Variants in LRCH1 observed in about 807,000 individuals in gnomAD.
LRCH1 encodes leucine-rich repeat and calponin homology domain-containing protein 1.
In LRCH1, 23 loss-of-function variants were observed where a neutral mutation model predicts 94.9. That is an observed-to-expected ratio of 0.24 (90% confidence interval 0.17 to 0.34). The LOEUF (loss-of-function observed/expected upper bound fraction) is 0.34, where lower values mean the gene tolerates loss of function less well. Ranked by LOEUF, LRCH1 falls within the 10% of genes least tolerant of loss-of-function variation. The pLI, the probability that LRCH1 is intolerant of heterozygous loss-of-function variation, is 1.00. For missense variants in LRCH1, 790 were observed against 945.9 expected (o/e 0.84, Z 2.16); for synonymous variants, 364 against 354.9 (o/e 1.03, Z -0.29).
chr13:46,626,638 A>C (rs903948589), intron 1 of LRCH1, among the ~76,000 whole-genome samples: 6 of 152,208 alleles, frequency 3.9e-5, no homozygotes, highest in Non-Finnish European at 7.3e-5. Flanking sequence ...ACCTGCACCC[A>C]GGTGAAATAA....
At chr13:46,739,285 G>A (rs1167946483) in intron 19 of LRCH1, among the ~76,000 whole-genome samples, 3 of 152,110 alleles carry the variant, frequency 2.0e-5, no homozygotes, top group African/African-American at 4.8e-5. Context: ...AACCTCTGGC[G>A]ATTGTGATTT....
At chr13:46,553,747 G>C in intron 1 of LRCH1, 44 bp downstream of exon 1, 1 of 1,594,184 alleles carries the variant, frequency 6.3e-7, no homozygotes, top group Non-Finnish European at 8.5e-7. Flanking sequence ...GGTGCTGTCT[G>C]GGTGTCTGTC....
intron 1 of LRCH1, among the ~76,000 whole-genome samples, chr13:46,589,042 C>A (rs114243586): frequency 0.01 from 1,522 of 151,574 alleles, 11 homozygotes; most frequent in African/African-American, 0.023. Flanking sequence ...CCCTCTCTCT[C>A]TATATATTTT....
chr13:46,599,790 G>A (rs906571820), intron 1 of LRCH1, among the ~76,000 whole-genome samples: 2 of 152,124 alleles, frequency 1.3e-5, no homozygotes, highest in Non-Finnish European at 2.9e-5. Context: ...CAGCCTAGTA[G>A]GTGCTCAGTT....
chr13:46,673,984 G>A (rs977966118), intron 3 of LRCH1, among the ~76,000 whole-genome samples: 1 of 152,122 alleles, frequency 6.6e-6, no homozygotes, highest in Non-Finnish European at 1.5e-5. Context: ...GTTTCACTGT[G>A]TTGGCCAGGC....
At chr13:46,695,702 C>T (rs1352060514) in intron 9 of LRCH1, among the ~76,000 whole-genome samples, 1 of 152,180 alleles carries the variant, frequency 6.6e-6, no homozygotes. Context: ...AATTCAGATT[C>T]ACTGTGGCTT....
At position 46,597,132 on chromosome 13, in the gene LRCH1, G is replaced by A. The variant is rs957693053; in HGVS notation, c.307+43429G>A. 7.9e-5 allele frequency among the ~76,000 whole-genome samples: 12 copies of A among 152,124 alleles called. No individual in the cohort carries two copies. The South Asian group carries it at 8.3e-4, about 10-fold the overall frequency. Reference sequence around the variant, plus strand: ...GTGAGGACTCTTTGTGGTCATTGGTGGATATGTACAGAGCAGCAAAAAAAT... The same window carrying A: ...GTGAGGACTCTTTGTGGTCATTGGTAGATATGTACAGAGCAGCAAAAAAAT... On this transcript the variant is annotated intron_variant, in intron 1 of 19. Coordinates refer to ENST00000389797, the MANE Select transcript of LRCH1 (RefSeq NM_001164211.2).
At chr13:46,682,497 A>C (rs1220467176) in intron 4 of LRCH1, among the ~76,000 whole-genome samples, 1 of 152,206 alleles carries the variant, frequency 6.6e-6, no homozygotes, top group Non-Finnish European at 1.5e-5. Flanking sequence ...ACAAGGGGTG[A>C]CATGAATTGT....
chr13:46,689,962 A>G (rs1007379950), intron 7 of LRCH1, among the ~76,000 whole-genome samples: 1 of 152,084 alleles, frequency 6.6e-6, no homozygotes, highest in Non-Finnish European at 1.5e-5. Context: ...TTTTGAGGGA[A>G]GTTACTTTCT....
intron 13 of LRCH1, among the ~76,000 whole-genome samples, chr13:46,710,808 A>G (rs1185062924): frequency 3.9e-5 from 6 of 152,106 alleles, no homozygotes; most frequent in African/African-American, 1.4e-4. Flanking sequence ...CTAACGCCCA[A>G]TTTTTTATTA....
chr13:46,707,050 T>C (rs1354607879), intron 13 of LRCH1, among the ~76,000 whole-genome samples: 1 of 152,202 alleles, frequency 6.6e-6, no homozygotes, highest in East Asian at 1.9e-4. Context: ...GATAACATAT[T>C]TTCATCTAAT....
rs1594238334 is a variant in LRCH1, at chr13:46,553,525, C to T, written c.129C>T (p.Gly43=). 1 of 1,545,946 alleles carries T rather than the reference C, an allele frequency of 6.5e-7. No individual in the cohort carries two copies. Among genetic ancestry groups the T allele is most frequent in the South Asian group, 1.2e-5 (1 of 83,788 alleles). Residue 43 remains glycine (G), a synonymous_variant, in exon 1 of 20, where the codon GGC becomes GGT. Coordinates refer to ENST00000389797, the MANE Select transcript of LRCH1 (RefSeq NM_001164211.2). ...HQHHGGTGAP[G]GAGGGGGGSG... is the part of the protein sequence containing the mutation. ...ACCACGGAGGAACCGGCGCCCCCGGCGGGGCGGGTGGTGGCGGCGGTGGCA... is the reference window on the plus strand; with the variant it reads ...ACCACGGAGGAACCGGCGCCCCCGGTGGGGCGGGTGGTGGCGGCGGTGGCA...
chr13:46,664,038 AT>A (rs1244958329), intron 2 of LRCH1, among the ~76,000 whole-genome samples: 1 of 152,188 alleles, frequency 6.6e-6, no homozygotes, highest in Non-Finnish European at 1.5e-5. Flanking sequence ...ATAGGATTAT[AT>A]GTTGTAGTCT....
At chr13:46,638,643 T>C (rs763061306) in intron 1 of LRCH1, among the ~76,000 whole-genome samples, 3 of 152,208 alleles carry the variant, frequency 2.0e-5, no homozygotes, top group Non-Finnish European at 4.4e-5. Context: ...AATATACTGA[T>C]ACATTTCCAT....
intron 9 of LRCH1, 32 bp downstream of exon 9, chr13:46,695,049 A>C: frequency 6.2e-7 from 1 of 1,610,352 alleles, no homozygotes; most frequent in Non-Finnish European, 8.5e-7. Flanking sequence ...ACGTTTTTTT[A>C]CTTATTTCCT....
In LRCH1 at chr13:46,553,242, C is replaced by CCATGGA; in HGVS notation, c.-155_-154insCATGGA. The CCATGGA allele has an allele frequency of 1.8e-6, 1 of 568,658 alleles. No homozygotes were observed. Among genetic ancestry groups the CCATGGA allele is most frequent in the Non-Finnish European group, 3.1e-6 (1 of 324,450 alleles). The allele number at this position is 568,658 out of a possible 1,614,324, so 35.2% of individuals were successfully genotyped here. A position where few individuals can be genotyped will look rare whatever the true frequency, so the allele number is the denominator to read the frequency against. ...CACGGCCGCCTCCCCGCCCGCCCCC[C>CCATGGA]ATTCTACGCGCCTGCCCACACCCTC... On this transcript the variant is annotated 5_prime_UTR_variant, in exon 1 of 20. The change creates a new upstream start codon in the 5' untranslated region. Coordinates refer to ENST00000389797, the MANE Select transcript of LRCH1 (RefSeq NM_001164211.2).
chr13:46,602,614 T>C (rs1362044568), intron 1 of LRCH1, among the ~76,000 whole-genome samples: 2 of 152,172 alleles, frequency 1.3e-5, no homozygotes, highest in Non-Finnish European at 2.9e-5. Flanking sequence ...ACCCAGAAAG[T>C]GCTCAACATT....
intron 16 of LRCH1, among the ~76,000 whole-genome samples, chr13:46,720,718 A>G (rs1872554591): frequency 6.6e-6 from 1 of 152,238 alleles, no homozygotes; most frequent in Admixed American, 6.5e-5. Flanking sequence ...TAGGAATTAA[A>G]AGAAAAGAAA....
chr13:46,642,603 G>A (rs957129047), intron 1 of LRCH1, among the ~76,000 whole-genome samples: 2 of 152,202 alleles, frequency 1.3e-5, no homozygotes, highest in Non-Finnish European at 2.9e-5. Flanking sequence ...GAAACTAGCT[G>A]AGGAGTTCAG....
Sources: gnomAD v4.1 joint callset for allele counts (sites outside exome capture counted in the v4.1 genomes callset) on GRCh38, gnomAD v4.1.1 for gene constraint, MANE v1.5 for transcripts, NCBI Gene and HGNC (gene_info 2026-07-23, HGNC 2026-07-21) for gene names.